Variants in PTGES3 observed in about 807,000 individuals in gnomAD.
PTGES3 encodes prostaglandin E synthase 3.
Under a neutral mutation model 29.9 loss-of-function variants are expected in PTGES3, and 5 were observed. The observed-to-expected ratio is 0.17, with a 90% confidence interval of 0.09 to 0.35. PTGES3 has a LOEUF of 0.35. Among genes scored for constraint, PTGES3 ranks in the 10% least tolerant of loss-of-function variants. PTGES3 has a pLI of 1.00. For missense variants in PTGES3, 128 were observed against 190.0 expected (o/e 0.67, Z 1.92); for synonymous variants, 49 against 57.8 (o/e 0.85, Z 0.69).
At chr12:56,683,977 AAAAC>A (rs1278599438) in intron 1 of PTGES3, among the ~76,000 whole-genome samples, 29 of 151,794 alleles carry the variant, frequency 1.9e-4, no homozygotes, top group South Asian at 1.9e-3. Context: ...AAAAACAAAA[AAAAC>A]AAACAAAAAA....
At chr12:56,668,865 C>A (rs899610900) in intron 5 of PTGES3, among the ~76,000 whole-genome samples, 1 of 152,126 alleles carries the variant, frequency 6.6e-6, no homozygotes, top group African/African-American at 2.4e-5. Flanking sequence ...TATTCTACTA[C>A]ATTTGATAAA....
rs562696309 is a variant in PTGES3 at position 56,678,429 on chromosome 12, A to G, written c.3-5364T>C. On this transcript the variant is annotated intron_variant, in intron 1 of 7. Transcript: ENST00000262033. Reference sequence around the variant, plus strand: ...TGACCTCAGGTGAGCCACCCGCCTCAGCCTCCCAAAGTGCTGGAATTACAG... The same window carrying G: ...TGACCTCAGGTGAGCCACCCGCCTCGGCCTCCCAAAGTGCTGGAATTACAG... Among the ~76,000 whole-genome samples, 659 of 152,264 alleles carry G rather than the reference A, an allele frequency of 4.3e-3. 3 individuals carry two copies. The highest frequency in any genetic ancestry group is 0.015 in the African/African-American group (627 of 41,562).
chr12:56,673,969 AAAC>A (rs1011192900), intron 1 of PTGES3, among the ~76,000 whole-genome samples: 33 of 152,072 alleles, frequency 2.2e-4, no homozygotes, highest in African/African-American at 6.3e-4. Flanking sequence ...GTCTCAAAAC[AAAC>A]AACAACAACA....
chr12:56,666,992 T>C (rs1249652783), intron 5 of PTGES3, among the ~76,000 whole-genome samples: 1 of 152,084 alleles, frequency 6.6e-6, no homozygotes, highest in Non-Finnish European at 1.5e-5. Flanking sequence ...CAATCTCGGC[T>C]CACTGCAACT....
intron 1 of PTGES3, among the ~76,000 whole-genome samples, chr12:56,683,963 A>AC (rs60262961): frequency 0.015 from 2,150 of 146,182 alleles, 35 homozygotes; most frequent in Non-Finnish European, 0.023. Flanking sequence ...GTCTCAAAAA[A>AC]AAAAAAAACA....
At chr12:56,669,816 TG>T (rs564986720) in intron 5 of PTGES3, among the ~76,000 whole-genome samples, 218 of 151,812 alleles carry the variant, frequency 1.4e-3, no homozygotes, top group African/African-American at 4.9e-3. Flanking sequence ...TTCACCAAGT[TG>T]GCCCGTATGA....
At chr12:56,687,774 G>A (rs1952952113) in intron 1 of PTGES3, 5 of 1,380,358 alleles carry the variant, frequency 3.6e-6, no homozygotes, top group East Asian at 3.0e-5. Context: ...TTCCGGCATG[G>A]GGAAGCCAAG....
rs1024342776 is a variant in PTGES3 at position 56,687,443 on chromosome 12, G to A, written c.2+555C>T. 5 of 988,190 alleles carry A rather than the reference G, an allele frequency of 5.1e-6. No homozygotes were observed. The African/African-American group carries it at 5.2e-5, about 10-fold the overall frequency. 61.2% of individuals were successfully genotyped at this position (988,190 alleles called of 1,614,324 possible). A position where few individuals can be genotyped will look rare whatever the true frequency, so the allele number is the denominator to read the frequency against. On this transcript the variant is annotated intron_variant, in intron 1 of 7. Transcript: ENST00000262033. ...ACACTCAAGAAACCCAGACACTGGA[G>A]AGGGAAGTATGTTGCGGCGTGGGCA... is the stretch of plus-strand genomic sequence containing the variant.
At chr12:56,683,250 C>A (rs1196960592) in intron 1 of PTGES3, among the ~76,000 whole-genome samples, 1 of 151,376 alleles carries the variant, frequency 6.6e-6, no homozygotes, top group African/African-American at 2.4e-5. Context: ...TTTCTGAGGC[C>A]GAGGCGGGTG....
intron 1 of PTGES3, among the ~76,000 whole-genome samples, chr12:56,681,009 T>G (rs1053693320): frequency 7.9e-5 from 12 of 151,968 alleles, no homozygotes; most frequent in Admixed American, 4.6e-4. Context: ...TGAACTCAGG[T>G]GATGCATCCA....
At chr12:56,670,634 C>A (rs1233871252) in intron 4 of PTGES3, 2 of 308,142 alleles carry the variant, frequency 6.5e-6, no homozygotes, top group Non-Finnish European at 1.2e-5. Context: ...GTTAACTTAG[C>A]GTGGTTACCT....
chr12:56,665,666 G>A (rs1171930025), intron 6 of PTGES3: 3 of 980,038 alleles, frequency 3.1e-6, no homozygotes, highest in Non-Finnish European at 3.6e-6. Flanking sequence ...TTTTGAGATG[G>A]AGCCTCGCTC....
At chr12:56,670,451 G>C (rs1951959766) in intron 4 of PTGES3, 87 bp from the exon 5 acceptor site, 2 of 964,662 alleles carry the variant, frequency 2.1e-6, no homozygotes, top group African/African-American at 1.6e-5. Context: ...TTCTTCTAAA[G>C]AGACCAGGTC....
At chr12:56,677,785 GAAC>G (rs1281656531) in intron 1 of PTGES3, among the ~76,000 whole-genome samples, 2 of 152,014 alleles carry the variant, frequency 1.3e-5, no homozygotes, top group Non-Finnish European at 2.9e-5. Context: ...TATTGAAACT[GAAC>G]AACCTGAAAC....
At chr12:56,670,093 G>A (rs1440514440) in intron 5 of PTGES3, among the ~76,000 whole-genome samples, 182 bp downstream of exon 5, 1 of 151,828 alleles carries the variant, frequency 6.6e-6, no homozygotes, top group African/African-American at 2.4e-5. Context: ...TCATTAAAAT[G>A]GTTCAACTTC....
chr12:56,674,734 G>A (rs1199230412), intron 1 of PTGES3, among the ~76,000 whole-genome samples: 1 of 146,240 alleles, frequency 6.8e-6, no homozygotes, highest in African/African-American at 2.5e-5. Context: ...GCTGAGACAG[G>A]AGAATGGCAT....
At chr12:56,666,032 T>TA (rs1177432296) in intron 6 of PTGES3, 172 bp downstream of exon 6, 3 of 1,383,292 alleles carry the variant, frequency 2.2e-6, no homozygotes, top group African/African-American at 1.5e-5. Context: ...AGTTCCCTAA[T>TA]AGATACCCCC....
At chr12:56,671,914 T>G (rs1427460087) in intron 3 of PTGES3, 67 bp from the exon 4 acceptor site, 2 of 945,504 alleles carry the variant, frequency 2.1e-6, no homozygotes, top group South Asian at 4.7e-5. Context: ...AAATAGCTTG[T>G]CATTTCTCAC....
At chr12:56,665,105 A>G in intron 6 of PTGES3, 1 of 985,360 alleles carries the variant, frequency 1.0e-6, no homozygotes, top group Non-Finnish European at 1.2e-6. Flanking sequence ...GATCAATATG[A>G]AGAAAAATGG....
Sources: gnomAD v4.1 joint callset for allele counts (sites outside exome capture counted in the v4.1 genomes callset) on GRCh38, gnomAD v4.1.1 for gene constraint, MANE v1.5 for transcripts, NCBI Gene and HGNC (gene_info 2026-07-23, HGNC 2026-07-21) for gene names.